FBLN2: variants seen among roughly 807,000 people sequenced by gnomAD.
FBLN2 encodes fibulin 2.
FBLN2 carries 81 observed loss-of-function variants against 123.7 expected under a neutral mutation model. The ratio of observed to expected loss-of-function variants is 0.65; its 90% CI spans 0.55 to 0.79. FBLN2 has a LOEUF of 0.79. Ranked by LOEUF, FBLN2 falls within the 30% of genes least tolerant of loss-of-function variation. The pLI is 0.00. For missense variants in FBLN2, 1,603 were observed against 1,681.3 expected (o/e 0.95, Z 0.81); for synonymous variants, 699 against 701.4 (o/e 1.00, Z 0.05).
chr3:13,585,115 A>G (rs376339531), intron 2 of FBLN2, among the ~76,000 whole-genome samples: 6 of 152,202 alleles, frequency 3.9e-5, no homozygotes, highest in African/African-American at 1.2e-4. Context: ...AGGGAGGCCA[A>G]GGGTCTTGCC....
At chr3:13,587,650 A>G (rs1043684946) in intron 2 of FBLN2, among the ~76,000 whole-genome samples, 4 of 152,234 alleles carry the variant, frequency 2.6e-5, no homozygotes, top group Non-Finnish European at 5.9e-5. Flanking sequence ...AGGCCTCATT[A>G]TATCTCTCAC....
rs950432820 is a variant in FBLN2 at position 13,569,043 on chromosome 3, C to T, written c.-41-1272C>T. ...CTGGGAGTCGGAGAAGGAGCTCTTG[C>T]CTGTGACTTTGGGGAGCACGCTGTC... On this transcript the variant is annotated intron_variant, in intron 1 of 17. Transcript: ENST00000404922. 6 of 985,802 alleles carry T rather than the reference C, an allele frequency of 6.1e-6. No homozygotes were observed. The Admixed American group carries it at 3.1e-4, about 50-fold the overall frequency. The allele number at this position is 985,802 out of a possible 1,614,324, so 61.1% of individuals were successfully genotyped here.
At chr3:13,634,418 C>CG (rs760113498) in intron 16 of FBLN2, among the ~76,000 whole-genome samples, 1 of 152,360 alleles carries the variant, frequency 6.6e-6, no homozygotes, top group Non-Finnish European at 1.5e-5. Context: ...AGGCTGTAGC[C>CG]GCTCACCCTT....
intron 1 of FBLN2, among the ~76,000 whole-genome samples, chr3:13,569,775 C>T (rs1040278558): frequency 6.6e-6 from 1 of 151,802 alleles, no homozygotes; most frequent in Non-Finnish European, 1.5e-5. Context: ...AGCTGTGGTG[C>T]GTGGCTGGGG....
intron 1 of FBLN2, among the ~76,000 whole-genome samples, chr3:13,553,572 T>A (rs527874829): frequency 1.7e-4 from 26 of 152,322 alleles, no homozygotes; most frequent in African/African-American, 5.8e-4. Context: ...AAGCCGTGCG[T>A]CATTTTGTGC....
chr3:13,630,386 A>C (rs1337790684), intron 14 of FBLN2, among the ~76,000 whole-genome samples: 1 of 152,206 alleles, frequency 6.6e-6, no homozygotes, highest in Non-Finnish European at 1.5e-5. Context: ...CAGGCTGCTC[A>C]GTGAGGGGGC....
chr3:13,602,411 G>A (rs910248943), intron 2 of FBLN2, among the ~76,000 whole-genome samples: 3 of 152,106 alleles, frequency 2.0e-5, no homozygotes, highest in African/African-American at 7.2e-5. Context: ...GTATTCTTAA[G>A]CATTTCGTTT....
rs542490510 is a variant in FBLN2 at position 13,559,596 on chromosome 3, T to A, written c.-42+10388T>A. On this transcript the variant is annotated intron_variant, in intron 1 of 17. Transcript: ENST00000404922. ...AGTGCTGATTGGAGCTCCAGCAGGG[T>A]GATAGGGCCACAGAACGAAATCTAG... 4.6e-5 allele frequency among the ~76,000 whole-genome samples: 7 copies of A among 152,190 alleles called. No homozygotes were observed. In the East Asian group the frequency reaches 1.4e-3, roughly 29 times the overall value.
intron 2 of FBLN2, among the ~76,000 whole-genome samples, chr3:13,586,905 T>C (rs931117247): frequency 6.6e-6 from 1 of 151,148 alleles, no homozygotes; most frequent in Non-Finnish European, 1.5e-5. Flanking sequence ...CCCAGCACTT[T>C]GGGAGGCTGA....
At chr3:13,627,059 C>T (rs924012420) in intron 10 of FBLN2, among the ~76,000 whole-genome samples, 14 of 152,016 alleles carry the variant, frequency 9.2e-5, no homozygotes, top group Non-Finnish European at 1.5e-4. Flanking sequence ...GTGCTGTGGC[C>T]CTTCTCTGAC....
At chr3:13,614,901 T>TATCCATCCATCCATCCATCC (rs113294664) in intron 5 of FBLN2, among the ~76,000 whole-genome samples, 1 of 139,704 alleles carries the variant, frequency 7.2e-6, no homozygotes, top group East Asian at 2.2e-4. Flanking sequence ...TCTATTCATC[T>TATCCATCCATCCATCCATCC]ATCCATCCAT....
chr3:13,610,991 C>T (rs2124882614), intron 4 of FBLN2, among the ~76,000 whole-genome samples: 1 of 152,074 alleles, frequency 6.6e-6, no homozygotes, highest in South Asian at 2.1e-4. Context: ...CACTGCAACT[C>T]CACCTCCCGG....
intron 11 of FBLN2, among the ~76,000 whole-genome samples, chr3:13,628,563 G>T (rs1488482137): frequency 6.6e-6 from 1 of 152,168 alleles, no homozygotes; most frequent in Non-Finnish European, 1.5e-5. Flanking sequence ...TAGTCTCTGT[G>T]CCTCTAAAAC....
intron 1 of FBLN2, among the ~76,000 whole-genome samples, chr3:13,563,571 C>T (rs532155997): frequency 2.0e-3 from 311 of 152,328 alleles, no homozygotes; most frequent in Non-Finnish European, 3.2e-3. Context: ...TTCTCCTGAG[C>T]GCTCTCCCCC....
At chr3:13,624,343 C>T (rs1292914721) in intron 9 of FBLN2, among the ~76,000 whole-genome samples, 1 of 147,036 alleles carries the variant, frequency 6.8e-6, no homozygotes, top group Non-Finnish European at 1.5e-5. Context: ...GCTGTTGTTA[C>T]CATAATTCCT....
chr3:13,565,629 CA>C (rs2125038561), intron 1 of FBLN2, among the ~76,000 whole-genome samples: 1 of 152,352 alleles, frequency 6.6e-6, no homozygotes, highest in East Asian at 1.9e-4. Flanking sequence ...ATATGTTACG[CA>C]CATGATACGT....
chr3:13,608,413 G>A (rs947171546), intron 3 of FBLN2, among the ~76,000 whole-genome samples: 2 of 152,254 alleles, frequency 1.3e-5, no homozygotes, highest in African/African-American at 4.8e-5. Context: ...GGCCTAGTGA[G>A]CAAGATCCGA....
At position 13,618,104 on chromosome 3, in the gene FBLN2, G is replaced by C. The variant is rs549749793; in HGVS notation, c.1758G>C (p.Glu586Asp). The C allele has an allele frequency of 6.2e-7, 1 of 1,613,422 alleles. No homozygotes were observed. The highest frequency in any genetic ancestry group is 1.7e-5 in the Admixed American group (1 of 60,034). Residue 586 changes from glutamate to aspartate, a missense_variant, in exon 6 of 18, where the codon GAG (glutamate) becomes GAC (aspartate). Coordinates refer to ENST00000404922, the MANE Select transcript of FBLN2 (RefSeq NM_001004019.2). ...RVSEAEMAGREALSLGTEAEL... is the reference protein window; with the variant it reads ...RVSEAEMAGRDALSLGTEAEL... The stretch of plus-strand genomic sequence containing the variant: ...CAGAGGCAGAGATGGCGGGCCGAGA[G>C]GCCCTGTCACTGGGCACAGAGGCCG...
intron 2 of FBLN2, among the ~76,000 whole-genome samples, chr3:13,584,854 A>G (rs1704447967): frequency 6.6e-6 from 1 of 152,190 alleles, no homozygotes; most frequent in African/African-American, 2.4e-5. Flanking sequence ...CTCACACGGG[A>G]GGAGTTAGAG....
Sources: allele counts gnomAD v4.1 joint callset (sites outside exome capture counted in the v4.1 genomes callset), GRCh38; gene constraint gnomAD v4.1.1; transcripts MANE v1.5; gene names NCBI Gene and HGNC (gene_info 2026-07-23, HGNC 2026-07-21).